Variants in ZNF236 observed in about 807,000 individuals in gnomAD.
ZNF236 encodes the protein regulated by glucose.
A neutral mutation model predicts 191.2 loss-of-function variants in ZNF236; 50 were observed. The observed-to-expected ratio is 0.26, with a 90% CI of 0.21 to 0.33. ZNF236 has a LOEUF of 0.33. ZNF236 is among the 10% of genes least tolerant of loss of function. The probability of loss-of-function intolerance (pLI) is 1.00; values close to 1 mark genes in which losing one functional copy is unlikely to be tolerated. For missense variants in ZNF236, 1,754 were observed against 2,374.5 expected, an observed-to-expected ratio of 0.74 and a Z score of 5.43; for synonymous variants, 907 against 928.8, an observed-to-expected ratio of 0.98 and a Z score of 0.43.
intron 26 of ZNF236, among the ~76,000 whole-genome samples, chr18:76,944,736 TG>T (rs1490357778): frequency 1.3e-5 from 2 of 152,186 alleles, no homozygotes; most frequent in African/African-American, 4.8e-5. Flanking sequence ...GAGCTGAGAT[TG>T]TGCCATTGCA....
At chr18:76,891,555 T>A (rs559962234) in intron 9 of ZNF236, among the ~76,000 whole-genome samples, 1 of 152,178 alleles carries the variant, frequency 6.6e-6, no homozygotes, top group African/African-American at 2.4e-5. Flanking sequence ...TTATTTTTAT[T>A]TTTGTAGAGA....
At chr18:76,959,312 G>T (rs1968602668) in intron 28 of ZNF236, among the ~76,000 whole-genome samples, 1 of 152,164 alleles carries the variant, frequency 6.6e-6, no homozygotes, top group African/African-American at 2.4e-5. Flanking sequence ...GTGAAACGGG[G>T]ACAGGATCCC....
chr18:76,894,716 A>G (rs996225645), intron 9 of ZNF236, among the ~76,000 whole-genome samples: 1 of 152,114 alleles, frequency 6.6e-6, no homozygotes, highest in African/African-American at 2.4e-5. Flanking sequence ...ATTCGATCCC[A>G]TCTGCTTTTG....
At chr18:76,854,519 T>C (rs1007409355) in intron 3 of ZNF236, among the ~76,000 whole-genome samples, 2 of 151,888 alleles carry the variant, frequency 1.3e-5, no homozygotes, top group African/African-American at 4.8e-5. Context: ...TCCGAGCACT[T>C]TGGGAGACCG....
At chr18:76,932,306 A>C (rs1026603092) in intron 25 of ZNF236, among the ~76,000 whole-genome samples, 10 of 152,206 alleles carry the variant, frequency 6.6e-5, no homozygotes, top group South Asian at 2.1e-4. Flanking sequence ...TGCATGGCCC[A>C]TGGTGGCCTT....
chr18:76,845,890 A>G (rs979267114), intron 1 of ZNF236, among the ~76,000 whole-genome samples: 3 of 151,632 alleles, frequency 2.0e-5, no homozygotes, highest in Non-Finnish European at 1.5e-5. Flanking sequence ...AGGCCATCCC[A>G]TGAAGAGGCG....
chr18:76,966,420 T>G (rs928902064), intron 30 of ZNF236, among the ~76,000 whole-genome samples: 2 of 152,192 alleles, frequency 1.3e-5, no homozygotes, highest in African/African-American at 4.8e-5. Context: ...CAGAAATTTA[T>G]TGGAGTAAAA....
chr18:76,953,760 C>G (rs1323319461), intron 27 of ZNF236, among the ~76,000 whole-genome samples: 7 of 152,164 alleles, frequency 4.6e-5, no homozygotes, highest in Admixed American at 3.3e-4. Flanking sequence ...AAATATTGAC[C>G]TTGTTTCAGT....
chr18:76,969,601 A>C lies in ZNF236; in HGVS notation c.*1262A>C, dbSNP rs1320780733. ...ATAAATGGATATCTTTTTCATTGTC[A>C]TATAAAGCTGGGTTTTATTTTTTTT... On this transcript the variant is annotated 3_prime_UTR_variant, in exon 31 of 31. Transcript: ENST00000320610. 1 of 152,580 alleles carries C rather than the reference A, an allele frequency of 6.6e-6. No homozygotes were observed. Among genetic ancestry groups the C allele is most frequent in the East Asian group, 1.9e-4 (1 of 5,202 alleles). The allele number at this position is 152,580 out of a possible 1,614,324, so 9.5% of individuals were successfully genotyped here.
At chr18:76,937,464 T>A (rs1968033398) in intron 26 of ZNF236, 121 bp downstream of exon 26, 1 of 911,428 alleles carries the variant, frequency 1.1e-6, no homozygotes, top group South Asian at 3.0e-5. Context: ...AATCGAAGCA[T>A]TTTTTTTCTG....
At chr18:76,920,380 G>A (rs1967500980) in intron 20 of ZNF236, among the ~76,000 whole-genome samples, 1 of 151,930 alleles carries the variant, frequency 6.6e-6, no homozygotes, top group South Asian at 2.1e-4. Flanking sequence ...GAGAAACCTG[G>A]TCTCTACTAA....
chr18:76,862,699 A>G (rs1000078624), intron 3 of ZNF236, among the ~76,000 whole-genome samples: 1 of 152,208 alleles, frequency 6.6e-6, no homozygotes, highest in Non-Finnish European at 1.5e-5. Context: ...ACAAGTCTGC[A>G]CTGTGCTTTC....
intron 3 of ZNF236, among the ~76,000 whole-genome samples, chr18:76,860,998 G>A (rs947957400): frequency 2.6e-5 from 4 of 152,096 alleles, no homozygotes; most frequent in African/African-American, 9.7e-5. Flanking sequence ...TTGGCACTGT[G>A]TGTCTGTGCT....
chr18:76,971,800 TATG>T lies in ZNF236; in HGVS notation c.*3462_*3464del, dbSNP rs1968911274. Among the ~76,000 whole-genome samples the T allele has an allele frequency of 6.6e-6, 1 of 152,228 alleles. No homozygotes were observed. The highest frequency in any genetic ancestry group is 2.4e-5 in the African/African-American group (1 of 41,466). ...TGGCATGTAAATCAATTTCAAGATT[TATG>T]TACATAAGATTTTTAAAGGAAATAG... On this transcript the variant is annotated 3_prime_UTR_variant, in exon 31 of 31. Transcript: ENST00000320610.
At chr18:76,823,572 A>G (rs1599301280) in intron 1 of ZNF236, among the ~76,000 whole-genome samples, 1 of 152,224 alleles carries the variant, frequency 6.6e-6, no homozygotes, top group South Asian at 2.1e-4. Flanking sequence ...TGTTTTCCCC[A>G]GTAATTTATT....
intron 11 of ZNF236, among the ~76,000 whole-genome samples, chr18:76,899,669 C>CT (rs141635446): frequency 0.016 from 2,414 of 152,230 alleles, 30 homozygotes; most frequent in Middle Eastern, 0.02. Context: ...GCCTGCTTTT[C>CT]TTTTTAGGTT....
intron 27 of ZNF236, among the ~76,000 whole-genome samples, chr18:76,954,791 G>C (rs1313515344): frequency 6.6e-6 from 1 of 152,132 alleles, no homozygotes; most frequent in Non-Finnish European, 1.5e-5. Context: ...TGACACACAG[G>C]TGTCATATTC....
chr18:76,963,172 T>C (rs1968701666), intron 30 of ZNF236, among the ~76,000 whole-genome samples: 2 of 152,186 alleles, frequency 1.3e-5, no homozygotes, highest in Non-Finnish European at 2.9e-5. Context: ...GAGGGAAAGC[T>C]TTTAACTTTT....
At chr18:76,887,204 T>TAG (rs1243461137) in intron 9 of ZNF236, 1 of 152,034 alleles carries the variant, frequency 6.6e-6, no homozygotes, top group African/African-American at 2.4e-5. Flanking sequence ...GAAACCTGTC[T>TAG]CTACTAAAAA....
Sources: allele counts gnomAD v4.1 joint callset (sites outside exome capture counted in the v4.1 genomes callset), GRCh38; gene constraint gnomAD v4.1.1; transcripts MANE v1.5; gene names NCBI Gene and HGNC (gene_info 2026-07-23, HGNC 2026-07-21).